Variants in MYL12B observed in about 807,000 individuals in gnomAD.
The protein encoded by MYL12B is myosin regulatory light chain 12B.
A neutral mutation model predicts 12.9 loss-of-function variants in MYL12B; 3 were observed. That is an observed-to-expected ratio of 0.23 (90% CI 0.11 to 0.60). MYL12B has a LOEUF of 0.60. Among genes scored for constraint, MYL12B ranks in the 20% least tolerant of loss-of-function variants. The pLI, the probability that MYL12B is intolerant of heterozygous loss-of-function variation, is 0.89. For missense variants in MYL12B, 120 were observed against 215.4 expected, an observed-to-expected ratio of 0.56 and a Z score of 2.77; for synonymous variants, 57 against 71.9, an observed-to-expected ratio of 0.79 and a Z score of 1.05.
chr18:3,263,038 C>A (rs547354520), intron 1 of MYL12B: 2 of 152,248 alleles, frequency 1.3e-5, no homozygotes, highest in Non-Finnish European at 2.9e-5. Flanking sequence ...GAGCAAAACT[C>A]AAAAGCTGGG....
chr18:3,268,956 T>G (rs2081655609), intron 1 of MYL12B, among the ~76,000 whole-genome samples: 1 of 152,072 alleles, frequency 6.6e-6, no homozygotes, highest in Admixed American at 6.5e-5. Context: ...GAGTAGATCT[T>G]TAATTCTCTC....
chr18:3,268,100 G>A (rs1222506530), intron 1 of MYL12B, among the ~76,000 whole-genome samples: 1 of 152,100 alleles, frequency 6.6e-6, no homozygotes, highest in Non-Finnish European at 1.5e-5. Context: ...GTATGGGTTG[G>A]GTACTATCCC....
intron 2 of MYL12B, 40 bp downstream of exon 2, chr18:3,273,122 A>G: frequency 6.6e-7 from 1 of 1,516,590 alleles, no homozygotes; most frequent in Non-Finnish European, 8.9e-7. Context: ...CCCTAAAATA[A>G]TAATTTGTCT....
At chr18:3,270,396 T>C (rs541068489) in intron 1 of MYL12B, among the ~76,000 whole-genome samples, 1 of 152,306 alleles carries the variant, frequency 6.6e-6, no homozygotes, top group African/African-American at 2.4e-5. Flanking sequence ...TTGGGACCAG[T>C]TAGTGAATTG....
At chr18:3,276,323 G>A in intron 2 of MYL12B, 1 of 524,770 alleles carries the variant, frequency 1.9e-6, no homozygotes, top group Non-Finnish European at 2.4e-6. Context: ...CAGATCCTTG[G>A]TTCAGTGCTG....
In MYL12B at chr18:3,278,312, TG is replaced by T. The variant is rs2081751101; in HGVS notation, c.*380del. ...GCAAGTTAAACAAATGATTGATAGG[TG>T]GGGGTAGTCCTTTTTTCAGGTTTTC... On this transcript the variant is annotated 3_prime_UTR_variant, in exon 4 of 4. Coordinates refer to ENST00000237500, the MANE Select transcript of MYL12B (RefSeq NM_033546.4). 2.3e-5 allele frequency: 4 copies of T among 173,008 alleles called. No individual in the cohort carries two copies. Among genetic ancestry groups the T allele is most frequent in the Non-Finnish European group, 4.9e-5 (4 of 81,962 alleles). 10.7% of individuals were successfully genotyped at this position (173,008 alleles called of 1,614,324 possible).
chr18:3,277,589 C>CT (rs1479477394), intron 3 of MYL12B, among the ~76,000 whole-genome samples, 175 bp downstream of exon 3: 1 of 152,164 alleles, frequency 6.6e-6, no homozygotes, highest in East Asian at 1.9e-4. Flanking sequence ...ACACAGAACT[C>CT]TAAGAATAAT....
rs537551296 is a variant in MYL12B, at chr18:3,265,520, C to T, written c.-16+3283C>T. On this transcript the variant is annotated intron_variant, in intron 1 of 3. Coordinates refer to ENST00000237500, the MANE Select transcript of MYL12B (RefSeq NM_033546.4). ...TCTACTCTGAGGGCTTTACCTTGTG[C>T]CTCTGCTCACAAATCAGCACTGCTA... Among the ~76,000 whole-genome samples, 13 of 151,664 alleles carry T rather than the reference C, an allele frequency of 8.6e-5. No individual in the cohort carries two copies. In the East Asian group the frequency reaches 2.5e-3, roughly 29 times the overall value.
intron 1 of MYL12B, 34 bp from the exon 2 acceptor site, chr18:3,272,850 T>A (rs1178463556): frequency 6.6e-7 from 1 of 1,508,348 alleles, no homozygotes; most frequent in East Asian, 2.3e-5. Context: ...TACATTGTTT[T>A]GTTTTACGTT....
chr18:3,272,497 G>A (rs1401277558), intron 1 of MYL12B, among the ~76,000 whole-genome samples: 1 of 152,186 alleles, frequency 6.6e-6, no homozygotes, highest in African/African-American at 2.4e-5. Context: ...ATCCCCTGAA[G>A]TTTAGGACAA....
intron 1 of MYL12B, among the ~76,000 whole-genome samples, chr18:3,266,919 C>G (rs544682428): frequency 6.6e-6 from 1 of 152,134 alleles, no homozygotes; most frequent in Non-Finnish European, 1.5e-5. Flanking sequence ...GCCGAAATGA[C>G]CAGCAGTCAT....
At chr18:3,275,469 AAC>A (rs2081722011) in intron 2 of MYL12B, among the ~76,000 whole-genome samples, 2 of 152,192 alleles carry the variant, frequency 1.3e-5, no homozygotes, top group African/African-American at 2.4e-5. Flanking sequence ...GAATGTTGGT[AAC>A]ACAAAGAAAT....
At chr18:3,270,005 G>C (rs2081664644) in intron 1 of MYL12B, among the ~76,000 whole-genome samples, 1 of 152,190 alleles carries the variant, frequency 6.6e-6, no homozygotes, top group South Asian at 2.1e-4. Flanking sequence ...CCAAAGAAAA[G>C]AGGGATAAAA....
chr18:3,266,855 C>T (rs905356434), intron 1 of MYL12B, among the ~76,000 whole-genome samples: 2 of 152,178 alleles, frequency 1.3e-5, no homozygotes, highest in African/African-American at 4.8e-5. Context: ...CAGGTTATGA[C>T]TTCTGATCTA....
At chr18:3,270,008 G>A (rs1884027826) in intron 1 of MYL12B, among the ~76,000 whole-genome samples, 1 of 152,158 alleles carries the variant, frequency 6.6e-6, no homozygotes, top group African/African-American at 2.4e-5. Context: ...AAGAAAAGAG[G>A]GATAAAATAG....
chr18:3,262,696 C>T (rs1384277484), intron 1 of MYL12B: 1 of 152,282 alleles, frequency 6.6e-6, no homozygotes, highest in African/African-American at 2.4e-5. Flanking sequence ...GCCCTGTGCC[C>T]AACACTATCC....
chr18:3,276,974 A>T (rs2081737602), intron 2 of MYL12B: 2 of 984,174 alleles, frequency 2.0e-6, no homozygotes, highest in African/African-American at 1.7e-5. Context: ...GCCTGGCTTC[A>T]GGTTTTTGTT....
chr18:3,271,976 G>A, intron 1 of MYL12B: 1 of 785,878 alleles, frequency 1.3e-6, no homozygotes, highest in Non-Finnish European at 1.5e-6. Context: ...AGGATCTCGA[G>A]CCTCAGAGTT....
At chr18:3,272,805 T>A (rs2081692022) in intron 1 of MYL12B, 79 bp from the exon 2 acceptor site, 2 of 1,262,440 alleles carry the variant, frequency 1.6e-6, no homozygotes, top group Non-Finnish European at 2.1e-6. Context: ...CCTACAGACT[T>A]TAGGTATTAT....
Sources: gnomAD v4.1 joint callset for allele counts (sites outside exome capture counted in the v4.1 genomes callset) on GRCh38, gnomAD v4.1.1 for gene constraint, MANE v1.5 for transcripts, NCBI Gene and HGNC (gene_info 2026-07-23, HGNC 2026-07-21) for gene names.